The following ZNF385D variants were observed in gnomAD, a reference collection of about 807,000 sequenced individuals.
ZNF385D encodes zinc finger protein 659.
A neutral mutation model predicts 35.8 loss-of-function variants in ZNF385D; 15 were observed. The observed-to-expected ratio is 0.42, with a 90% CI of 0.28 to 0.64. The LOEUF is 0.64. Among genes scored for constraint, ZNF385D ranks in the 30% least tolerant of loss-of-function variants. The pLI, the probability that ZNF385D is intolerant of heterozygous loss-of-function variation, is 0.23. For synonymous variants in ZNF385D, 212 were observed against 186.8 expected, an observed-to-expected ratio of 1.13 and a Z score of -1.10; for missense variants, 474 against 494.6, an observed-to-expected ratio of 0.96 and a Z score of 0.39.
chr3:22,149,921 A>G (rs1210064116), intron 3 of ZNF385D, among the ~76,000 whole-genome samples: 2 of 152,160 alleles, frequency 1.3e-5, no homozygotes, highest in African/African-American at 2.4e-5. Context: ...CAGAAATCTC[A>G]TAAGCTCTCA....
chr3:21,640,127 A>C (rs2065560097), intron 2 of ZNF385D, among the ~76,000 whole-genome samples: 1 of 152,056 alleles, frequency 6.6e-6, no homozygotes, highest in East Asian at 1.9e-4. Flanking sequence ...TCTTTGAGAA[A>C]TAAAGAAGCC....
intron 3 of ZNF385D, among the ~76,000 whole-genome samples, chr3:22,128,203 G>A (rs1346024935): frequency 6.6e-6 from 1 of 152,134 alleles, no homozygotes. Context: ...AGTATATCAT[G>A]CCACTCCCTC....
chr3:22,262,974 T>C (rs1299799209), intron 2 of ZNF385D, among the ~76,000 whole-genome samples: 1 of 151,918 alleles, frequency 6.6e-6, no homozygotes, highest in African/African-American at 2.4e-5. Flanking sequence ...ACGTCCAGTC[T>C]TTCAGCAGAC....
intron 1 of ZNF385D, among the ~76,000 whole-genome samples, chr3:21,682,249 T>C (rs780847412): frequency 3.8e-5 from 5 of 132,898 alleles, no homozygotes; most frequent in Admixed American, 7.4e-5. Flanking sequence ...GCCAGAAAGA[T>C]TGGCTAAGTA....
intron 2 of ZNF385D, among the ~76,000 whole-genome samples, chr3:21,640,480 G>C (rs1489373451): frequency 6.6e-6 from 1 of 152,068 alleles, no homozygotes; most frequent in Non-Finnish European, 1.5e-5. Context: ...GTACTAAGAG[G>C]TGAGACCTTT....
intron 1 of ZNF385D, among the ~76,000 whole-genome samples, chr3:21,697,644 G>T (rs1307862937): frequency 3.3e-5 from 5 of 152,044 alleles, no homozygotes; most frequent in Admixed American, 1.3e-4. Context: ...CACAGCAAAA[G>T]AAATAATCAA....
chr3:22,291,913 C>A (rs1209859337), intron 2 of ZNF385D, among the ~76,000 whole-genome samples: 1 of 151,930 alleles, frequency 6.6e-6, no homozygotes, highest in African/African-American at 2.4e-5. Flanking sequence ...TTCTTTTCTT[C>A]TATTATCTTT....
At chr3:22,080,046 C>A (rs945703599) in intron 3 of ZNF385D, among the ~76,000 whole-genome samples, 1 of 152,022 alleles carries the variant, frequency 6.6e-6, no homozygotes, top group Non-Finnish European at 1.5e-5. Context: ...AGACTGCCAA[C>A]CTACACCTAT....
At chr3:22,153,697 C>T (rs982644512) in intron 3 of ZNF385D, among the ~76,000 whole-genome samples, 3 of 152,046 alleles carry the variant, frequency 2.0e-5, no homozygotes, top group Non-Finnish European at 4.4e-5. Context: ...CTCCTGACCT[C>T]AAGTGATCCA....
intron 2 of ZNF385D, among the ~76,000 whole-genome samples, chr3:22,290,254 C>G (rs933630219): frequency 6.6e-6 from 1 of 152,046 alleles, no homozygotes; most frequent in Non-Finnish European, 1.5e-5. Context: ...AGATTTGTGC[C>G]TGAATGTGCC....
chr3:22,191,382 G>C (rs1245225189), intron 2 of ZNF385D, among the ~76,000 whole-genome samples: 1 of 152,014 alleles, frequency 6.6e-6, no homozygotes, highest in East Asian at 1.9e-4. Context: ...AGCTACTCAG[G>C]AGGCTGAGGC....
chr3:21,788,719 G>T (rs1202512646), intron 3 of ZNF385D, among the ~76,000 whole-genome samples: 1 of 152,146 alleles, frequency 6.6e-6, no homozygotes, highest in Non-Finnish European at 1.5e-5. Flanking sequence ...ACTCCTCCAT[G>T]CTCTTCCTCT....
At chr3:21,982,839 G>A (rs757697099) in intron 3 of ZNF385D, among the ~76,000 whole-genome samples, 1 of 149,748 alleles carries the variant, frequency 6.7e-6, no homozygotes, top group Non-Finnish European at 1.5e-5. Context: ...CATCTATTGA[G>A]ATAATCATGT....
intron 3 of ZNF385D, among the ~76,000 whole-genome samples, chr3:22,066,395 G>A (rs1699953869): frequency 6.7e-6 from 1 of 149,446 alleles, no homozygotes; most frequent in African/African-American, 2.5e-5. Context: ...AAGATACTGG[G>A]TGAGATGGTT....
At chr3:21,519,448 T>A (rs1222276631) in intron 3 of ZNF385D, among the ~76,000 whole-genome samples, 2 of 152,196 alleles carry the variant, frequency 1.3e-5, no homozygotes, top group Non-Finnish European at 2.9e-5. Context: ...AGTGCTTACC[T>A]GAGTGAGGGA....
At chr3:22,068,850 G>T (rs185335831) in intron 3 of ZNF385D, among the ~76,000 whole-genome samples, 2 of 152,120 alleles carry the variant, frequency 1.3e-5, no homozygotes, top group African/African-American at 4.8e-5. Flanking sequence ...CATGGGGCCC[G>T]CCCAAATAAC....
At chr3:22,253,929 T>C (rs1027251191) in intron 2 of ZNF385D, among the ~76,000 whole-genome samples, 2 of 151,926 alleles carry the variant, frequency 1.3e-5, no homozygotes, top group African/African-American at 4.8e-5. Flanking sequence ...AAAAATAACA[T>C]TAAATTCATC....
At chr3:21,807,133 T>C (rs1188513974) in intron 3 of ZNF385D, among the ~76,000 whole-genome samples, 3 of 152,194 alleles carry the variant, frequency 2.0e-5, no homozygotes, top group Non-Finnish European at 4.4e-5. Context: ...ATTTTCAATC[T>C]TCTAAAAGTT....
Position 22,154,663 on chromosome 3 carries a change from G to A in ZNF385D, c.325+14154C>T, listed in dbSNP as rs539458808. Among the ~76,000 whole-genome samples the A allele has an allele frequency of 3.3e-4, 50 of 152,052 alleles. No individual in the cohort carries two copies. In the South Asian group the frequency reaches 0.01, roughly 31 times the overall value. On this transcript the variant is annotated intron_variant, in intron 3 of 5. Coordinates refer to the ZNF385D transcript ENST00000494108. ...TAATGTACATACCTTGCCTCTCTGG[G>A]GCTTCATGTCTTACTTCTGGTTTTC...
Sources: allele counts gnomAD v4.1 joint callset (sites outside exome capture counted in the v4.1 genomes callset), GRCh38; gene constraint gnomAD v4.1.1; transcripts MANE v1.5; gene names NCBI Gene and HGNC (gene_info 2026-07-23, HGNC 2026-07-21).